Variants in CDH20 observed in about 807,000 individuals in gnomAD.
The protein encoded by CDH20 is cadherin 20.
CDH20 carries 29 observed loss-of-function variants against 74.2 expected under a neutral mutation model. That is an observed-to-expected ratio of 0.39 (90% confidence interval 0.29 to 0.53). The LOEUF is 0.53. Among genes scored for constraint, CDH20 ranks in the 20% least tolerant of loss-of-function variants. The pLI is 0.69. For missense variants in CDH20, 988 were observed against 1,048.3 expected (o/e 0.94, Z 0.79); for synonymous variants, 469 against 405.4 (o/e 1.16, Z -1.88).
chr18:61,502,021 T>C (rs1206855375), intron 4 of CDH20, among the ~76,000 whole-genome samples: 1 of 152,200 alleles, frequency 6.6e-6, no homozygotes, highest in Admixed American at 6.5e-5. Flanking sequence ...ATATATACAT[T>C]ATAGGGGTAA....
At chr18:61,365,435 G>A (rs1910825412) in intron 1 of CDH20, among the ~76,000 whole-genome samples, 1 of 151,996 alleles carries the variant, frequency 6.6e-6, no homozygotes, top group African/African-American at 2.4e-5. Flanking sequence ...TAATCTGCTG[G>A]GTAAAGCAGA....
chr18:61,361,262 A>T (rs1910684734), intron 1 of CDH20, among the ~76,000 whole-genome samples: 1 of 152,130 alleles, frequency 6.6e-6, no homozygotes, highest in Admixed American at 6.5e-5. Context: ...CATCCATTAT[A>T]CCCATACTTA....
intron 1 of CDH20, chr18:61,405,060 C>T (rs897552547): frequency 2.9e-6 from 2 of 678,280 alleles, no homozygotes; most frequent in Non-Finnish European, 2.8e-6. Flanking sequence ...ACAGTTGTTA[C>T]AGAGAATGAC....
At chr18:61,453,175 C>T (rs1909452878) in intron 1 of CDH20, among the ~76,000 whole-genome samples, 1 of 152,182 alleles carries the variant, frequency 6.6e-6, no homozygotes, top group Admixed American at 6.5e-5. Flanking sequence ...CCTCCACTCA[C>T]TCCTTAATCC....
intron 1 of CDH20, among the ~76,000 whole-genome samples, chr18:61,437,881 A>G (rs1026979712): frequency 6.6e-6 from 1 of 152,142 alleles, no homozygotes; most frequent in Non-Finnish European, 1.5e-5. Context: ...TGTCCATACT[A>G]TGTTTTCACG....
chr18:61,440,076 A>G (rs1908976358), intron 1 of CDH20, among the ~76,000 whole-genome samples: 1 of 152,132 alleles, frequency 6.6e-6, no homozygotes, highest in South Asian at 2.1e-4. Context: ...GTAGCCAATG[A>G]TGGTTACTAA....
chr18:61,414,323 C>T (rs538817163), intron 1 of CDH20, among the ~76,000 whole-genome samples: 1 of 152,192 alleles, frequency 6.6e-6, no homozygotes, highest in South Asian at 2.1e-4. Flanking sequence ...ACAAGAGAAG[C>T]ACAAGGGAAG....
chr18:61,523,272 C>T (rs1048680712), intron 6 of CDH20, among the ~76,000 whole-genome samples: 7 of 151,292 alleles, frequency 4.6e-5, no homozygotes, highest in African/African-American at 1.7e-4. Flanking sequence ...TGAACAGACA[C>T]TTCTCAAAAG....
At chr18:61,439,385 C>G (rs967596502) in intron 1 of CDH20, among the ~76,000 whole-genome samples, 1 of 151,878 alleles carries the variant, frequency 6.6e-6, no homozygotes, top group East Asian at 1.9e-4. Context: ...AATAAATGGA[C>G]ACTGTTCAAG....
At chr18:61,363,476 C>T (rs904104630) in intron 1 of CDH20, among the ~76,000 whole-genome samples, 10 of 152,140 alleles carry the variant, frequency 6.6e-5, no homozygotes, top group African/African-American at 1.7e-4. Context: ...TAAGACTAAA[C>T]ATAGATGAAT....
chr18:61,501,152 C>T (rs923412424), intron 4 of CDH20, among the ~76,000 whole-genome samples: 2 of 152,176 alleles, frequency 1.3e-5, no homozygotes, highest in Admixed American at 6.5e-5. Flanking sequence ...GATTGGGAAG[C>T]TCTCACAGGG....
At chr18:61,544,564 G>A (rs879886388) in intron 9 of CDH20, among the ~76,000 whole-genome samples, 3 of 152,128 alleles carry the variant, frequency 2.0e-5, no homozygotes, top group South Asian at 4.1e-4. Context: ...CCCCGGATTC[G>A]GGCTTCCCAG....
At chr18:61,513,896 A>G (rs1006935874) in intron 6 of CDH20, among the ~76,000 whole-genome samples, 1 of 151,878 alleles carries the variant, frequency 6.6e-6, no homozygotes, top group Non-Finnish European at 1.5e-5. Context: ...CTTCCCTTTG[A>G]GGGTAACCCG....
chr18:61,360,829 C>A (rs1195798104), intron 1 of CDH20, among the ~76,000 whole-genome samples: 1 of 152,212 alleles, frequency 6.6e-6, no homozygotes, highest in Non-Finnish European at 1.5e-5. Flanking sequence ...TGGGGAACAG[C>A]ATTTGCTAAA....
intron 1 of CDH20, among the ~76,000 whole-genome samples, chr18:61,487,662 G>T (rs1910813849): frequency 6.6e-6 from 1 of 152,140 alleles, no homozygotes; most frequent in Admixed American, 6.5e-5. Context: ...ATAAGAATTT[G>T]CACTAGTGTG....
chr18:61,375,687 AC>A, intron 1 of CDH20, among the ~76,000 whole-genome samples: 1 of 152,064 alleles, frequency 6.6e-6, no homozygotes, highest in Middle Eastern at 3.4e-3. Context: ...GTCACCCATT[AC>A]CCCGTTCCCT....
intron 1 of CDH20, among the ~76,000 whole-genome samples, chr18:61,418,584 T>C (rs1912777057): frequency 6.7e-6 from 1 of 149,680 alleles, no homozygotes; most frequent in East Asian, 2.0e-4. Context: ...AAAGCTTCCT[T>C]ATATGCATGT....
chr18:61,362,946 C>T (rs1311826245), intron 1 of CDH20, among the ~76,000 whole-genome samples: 1 of 152,044 alleles, frequency 6.6e-6, no homozygotes, highest in South Asian at 2.1e-4. Flanking sequence ...AGTTAACTAA[C>T]CTCCACAGAA....
intron 11 of CDH20, among the ~76,000 whole-genome samples, chr18:61,553,305 A>C (rs1454905557): frequency 6.6e-6 from 1 of 152,080 alleles, no homozygotes; most frequent in Non-Finnish European, 1.5e-5. Flanking sequence ...TAAAACCTCA[A>C]CACTCTTCCT....
Sources: allele counts gnomAD v4.1 joint callset (sites outside exome capture counted in the v4.1 genomes callset), GRCh38; gene constraint gnomAD v4.1.1; transcripts MANE v1.5; gene names NCBI Gene and HGNC (gene_info 2026-07-23, HGNC 2026-07-21).